Variants in PRKN observed in about 807,000 individuals in gnomAD.
PRKN encodes E3 ubiquitin-protein ligase parkin.
PRKN carries 56 observed loss-of-function variants against 59.5 expected under a neutral mutation model. The observed-to-expected ratio is 0.94, with a 90% CI of 0.76 to 1.18. The LOEUF (loss-of-function observed/expected upper bound fraction) is 1.18, where lower values mean the gene tolerates loss of function less well. PRKN is among the 50% of genes most tolerant of loss of function. The pLI is 0.00. For synonymous variants in PRKN, 250 were observed against 222.1 expected, an observed-to-expected ratio of 1.13 and a Z score of -1.12; for missense variants, 657 against 596.4, an observed-to-expected ratio of 1.10 and a Z score of -1.06.
intron 1 of PRKN, among the ~76,000 whole-genome samples, chr6:162,601,695 T>A (rs1424982680): frequency 6.6e-6 from 1 of 152,120 alleles, no homozygotes; most frequent in Non-Finnish European, 1.5e-5. Flanking sequence ...TTTTTATATA[T>A]GAGGAGTACA....
At chr6:161,782,923 T>A (rs1022234551) in intron 7 of PRKN, among the ~76,000 whole-genome samples, 6 of 151,668 alleles carry the variant, frequency 4.0e-5, no homozygotes, top group South Asian at 2.1e-4. Flanking sequence ...TTAAAAAATT[T>A]AAAAAAAAGC....
chr6:161,966,068 G>T (rs907492838), intron 6 of PRKN, among the ~76,000 whole-genome samples: 1 of 152,030 alleles, frequency 6.6e-6, no homozygotes, highest in South Asian at 2.1e-4. Flanking sequence ...GGACAGCTTT[G>T]TAGGGCCATT....
At position 161,456,512 on chromosome 6, in the gene PRKN, T is replaced by C. The variant is rs557423914; in HGVS notation, c.1084-69635A>G. On this transcript the variant is annotated intron_variant, in intron 9 of 11. Transcript: ENST00000366898. This position sits in a 1 kb window ranked among gnomAD's most constrained non-coding sequence, Gnocchi z 4.8. ...TGCTCCTCAGCTTGCAGACAGTCTA[T>C]TGTGGGACTTCTCCTTGTGATCGTG... Among the ~76,000 whole-genome samples, 9 of 152,296 alleles carry C rather than the reference T, an allele frequency of 5.9e-5. No individual in the cohort carries two copies. The highest frequency in any genetic ancestry group is 7.4e-5 in the Non-Finnish European group (5 of 68,024).
intron 2 of PRKN, among the ~76,000 whole-genome samples, chr6:162,399,924 G>C (rs950404605): frequency 6.6e-6 from 1 of 152,188 alleles, no homozygotes; most frequent in African/African-American, 2.4e-5. Context: ...TCAAAGAAGA[G>C]GCTGGGCACA....
At chr6:161,849,241 G>A (rs922449328) in intron 6 of PRKN, among the ~76,000 whole-genome samples, 7 of 152,056 alleles carry the variant, frequency 4.6e-5, no homozygotes, top group African/African-American at 1.7e-4. Context: ...TCTGCGTGAC[G>A]GACCCCCACG....
At chr6:161,715,987 G>A (rs1786958473) in intron 7 of PRKN, 3 of 616,824 alleles carry the variant, frequency 4.9e-6, no homozygotes, top group East Asian at 1.3e-4. Context: ...CTGGGGTGGG[G>A]CCCTGTGATC....
intron 1 of PRKN, among the ~76,000 whole-genome samples, chr6:162,494,044 C>T (rs923581022): frequency 7.9e-5 from 12 of 152,196 alleles, no homozygotes; most frequent in Non-Finnish European, 1.6e-4. Flanking sequence ...CCATCTATTT[C>T]GTCTTTCCTG....
intron 6 of PRKN, among the ~76,000 whole-genome samples, chr6:161,859,832 C>A (rs935063015): frequency 7.9e-5 from 12 of 151,976 alleles, no homozygotes; most frequent in African/African-American, 2.7e-4. Flanking sequence ...AAATTCATAT[C>A]AAGAAAAATA....
At chr6:161,534,393 C>A (rs73593420) in intron 9 of PRKN, among the ~76,000 whole-genome samples, 13,555 of 152,206 alleles carry the variant, frequency 0.089, 931 homozygotes, top group African/African-American at 0.19. Context: ...GATGAGTGTG[C>A]TGAATGCAGG....
In PRKN at chr6:161,459,476, C is replaced by T. The variant is rs543785830; in HGVS notation, c.1084-72599G>A. Among the ~76,000 whole-genome samples, 7 of 152,268 alleles carry T rather than the reference C, an allele frequency of 4.6e-5. No homozygotes were observed. In the South Asian group the frequency reaches 1.5e-3, roughly 32 times the overall value. ...AGCCACCATTTCTTAGTGTGGAGTG[C>T]AGGGACCTGGTTCTGAGCAAAGTAG... On this transcript the variant is annotated intron_variant, in intron 9 of 11. Coordinates refer to ENST00000366898, the MANE Select transcript of PRKN (RefSeq NM_004562.3). This position sits in a 1 kb window ranked among gnomAD's most constrained non-coding sequence, Gnocchi z 4.8.
At chr6:161,920,100 C>A (rs1778721558) in intron 6 of PRKN, among the ~76,000 whole-genome samples, 2 of 152,154 alleles carry the variant, frequency 1.3e-5, no homozygotes, top group Admixed American at 1.3e-4. Flanking sequence ...AACCATAACA[C>A]CGGCTGGGCG....
chr6:162,290,848 A>G (rs1001784785), intron 2 of PRKN, among the ~76,000 whole-genome samples: 1 of 152,198 alleles, frequency 6.6e-6, no homozygotes, highest in Non-Finnish European at 1.5e-5. Context: ...GACATTGACA[A>G]CTTTTCAGGA....
chr6:161,918,703 C>T (rs9458418), intron 6 of PRKN, among the ~76,000 whole-genome samples: 3,859 of 152,214 alleles, frequency 0.025, 148 homozygotes, highest in African/African-American at 0.087. Flanking sequence ...CACGGGAAAA[C>T]AAGCCAGTGC....
chr6:162,179,312 A>T (rs926453019), intron 4 of PRKN, among the ~76,000 whole-genome samples: 1 of 152,122 alleles, frequency 6.6e-6, no homozygotes, highest in Non-Finnish European at 1.5e-5. Flanking sequence ...TTCATCTTTG[A>T]TCATCAGCCC....
intron 1 of PRKN, among the ~76,000 whole-genome samples, chr6:162,554,258 C>A (rs1405172940): frequency 6.6e-6 from 1 of 152,102 alleles, no homozygotes; most frequent in East Asian, 1.9e-4. Context: ...AATCCCAGCA[C>A]TTTGGGAGGC....
At chr6:161,491,789 C>A (rs555474979) in intron 9 of PRKN, among the ~76,000 whole-genome samples, 66 of 152,044 alleles carry the variant, frequency 4.3e-4, no homozygotes, top group Non-Finnish European at 7.2e-4. Flanking sequence ...TGCCACCATG[C>A]CCGACTAATT....
intron 2 of PRKN, among the ~76,000 whole-genome samples, chr6:162,324,150 A>T (rs1473657155): frequency 6.6e-6 from 1 of 152,120 alleles, no homozygotes; most frequent in Non-Finnish European, 1.5e-5. Flanking sequence ...AAAAAATTTT[A>T]AAATAATTAT....
rs559542220 is a variant in PRKN, at chr6:161,362,325, C to T, written c.1168-2120G>A. Among the ~76,000 whole-genome samples, 1 of 152,306 alleles carries T rather than the reference C, an allele frequency of 6.6e-6. No homozygotes were observed. Among genetic ancestry groups the T allele is most frequent in the African/African-American group, 2.4e-5 (1 of 41,582 alleles). Reference sequence around the variant, plus strand: ...TCCTCCTGGTTCGGGAGGAAGGAACCTGGCATTTGCTGTGGGGCTATCTTC... The same window carrying T: ...TCCTCCTGGTTCGGGAGGAAGGAACTTGGCATTTGCTGTGGGGCTATCTTC... On this transcript the variant is annotated intron_variant, in intron 10 of 11. Transcript: ENST00000366898. The surrounding 1 kb of genome is among the most constrained non-coding windows in gnomAD (Gnocchi z 5.2).
chr6:161,762,539 C>T (rs1226782727), intron 7 of PRKN, among the ~76,000 whole-genome samples: 1 of 152,140 alleles, frequency 6.6e-6, no homozygotes, highest in Admixed American at 6.6e-5. Context: ...TATGCCTGAA[C>T]TAATATTGTA....
Sources: gnomAD v4.1 joint callset for allele counts (sites outside exome capture counted in the v4.1 genomes callset) on GRCh38, gnomAD v4.1.1 for gene constraint, Gnocchi (gnomAD v3.1) non-coding constraint, MANE v1.5 for transcripts, NCBI Gene and HGNC (gene_info 2026-07-23, HGNC 2026-07-21) for gene names.